Variants in TMEM232 observed in about 807,000 individuals in gnomAD.
The protein encoded by TMEM232 is transmembrane protein 232.
TMEM232 carries 80 observed loss-of-function variants against 78.8 expected under a neutral mutation model. That is an observed-to-expected ratio of 1.01 (90% CI 0.85 to 1.22). The LOEUF (loss-of-function observed/expected upper bound fraction) is 1.22, where lower values mean the gene tolerates loss of function less well. Ranked by LOEUF, TMEM232 falls within the 50% of genes most tolerant of loss-of-function variation. TMEM232 has a pLI of 0.00. For missense variants in TMEM232, 881 were observed against 742.2 expected, an observed-to-expected ratio of 1.19 and a Z score of -2.17; for synonymous variants, 297 against 254.3, an observed-to-expected ratio of 1.17 and a Z score of -1.60.
intron 12 of TMEM232, among the ~76,000 whole-genome samples, chr5:110,517,287 A>C (rs28431299): frequency 0.031 from 4,682 of 152,300 alleles, 248 homozygotes; most frequent in African/African-American, 0.11. Context: ...AGAAGAACTA[A>C]CAAAAGGAGC....
intron 12 of TMEM232, chr5:110,514,061 C>T (rs1274281687): frequency 1.2e-5 from 2 of 165,342 alleles, no homozygotes; most frequent in African/African-American, 2.4e-5. Context: ...CACAAAGGCT[C>T]AATAAATAGA....
intron 12 of TMEM232, chr5:110,429,907 C>T (rs1248679159): frequency 1.3e-5 from 2 of 151,748 alleles, no homozygotes; most frequent in South Asian, 2.1e-4. Flanking sequence ...ATTTGGCTAC[C>T]ATAACCTTTT....
Position 110,605,360 on chromosome 5 carries a change from T to C in TMEM232, c.1027-2A>G. The stretch of plus-strand genomic sequence containing the variant: ...ATCATCTACCTTGCAACTTTCTTCC[T>C]GAAATGAGAAAATAGATATTTGATC... On this transcript the variant is annotated splice_acceptor_variant, in intron 9 of 13. Transcript: ENST00000455884. LOFTEE classifies it high-confidence loss of function. The C allele has an allele frequency of 1.9e-6, 3 of 1,538,690 alleles. No homozygotes were observed. The highest frequency in any genetic ancestry group is 2.6e-6 in the Non-Finnish European group (3 of 1,140,548).
chr5:110,686,421 G>A (rs952219527), intron 1 of TMEM232, among the ~76,000 whole-genome samples: 1 of 151,950 alleles, frequency 6.6e-6, no homozygotes, highest in East Asian at 1.9e-4. Flanking sequence ...AGGCATGTGA[G>A]AGAGCCATTT....
intron 2 of TMEM232, among the ~76,000 whole-genome samples, chr5:110,646,686 G>A (rs1470906538): frequency 6.6e-6 from 1 of 151,764 alleles, no homozygotes; most frequent in East Asian, 1.9e-4. Context: ...CTAGACAAGT[G>A]GGATTGCATC....
At chr5:110,516,036 G>A (rs751809540) in intron 12 of TMEM232, among the ~76,000 whole-genome samples, 10 of 152,120 alleles carry the variant, frequency 6.6e-5, no homozygotes, top group Non-Finnish European at 1.3e-4. Context: ...TCAGGAGGTC[G>A]AGACCATCCT....
intron 12 of TMEM232, among the ~76,000 whole-genome samples, chr5:110,498,804 A>C (rs1765898358): frequency 1.3e-5 from 2 of 152,266 alleles, no homozygotes; most frequent in South Asian, 2.1e-4. Flanking sequence ...TCTATAACTA[A>C]GGGATTTTTC....
chr5:110,444,091 G>A, intron 12 of TMEM232, among the ~76,000 whole-genome samples: 1 of 151,994 alleles, frequency 6.6e-6, no homozygotes, highest in East Asian at 1.9e-4. Flanking sequence ...GCCCTGGCTG[G>A]TATCTCCTTA....
intron 10 of TMEM232, among the ~76,000 whole-genome samples, chr5:110,576,655 C>G (rs1265532596): frequency 6.6e-6 from 1 of 152,032 alleles, no homozygotes; most frequent in Non-Finnish European, 1.5e-5. Flanking sequence ...CTACATTAGC[C>G]AAAACAGCAT....
At chr5:110,573,170 G>C (rs910287666) in intron 10 of TMEM232, among the ~76,000 whole-genome samples, 1 of 151,976 alleles carries the variant, frequency 6.6e-6, no homozygotes, top group African/African-American at 2.4e-5. Context: ...CTTTTTATTA[G>C]TAATGCCTTA....
intron 11 of TMEM232, among the ~76,000 whole-genome samples, chr5:110,568,099 A>G (rs1421409233): frequency 6.6e-6 from 1 of 151,936 alleles, no homozygotes; most frequent in African/African-American, 2.4e-5. Flanking sequence ...TCATGGCTTA[A>G]CATGCTACTT....
intron 1 of TMEM232, among the ~76,000 whole-genome samples, chr5:110,672,468 C>G (rs1791483538): frequency 6.6e-6 from 1 of 152,096 alleles, no homozygotes; most frequent in African/African-American, 2.4e-5. Context: ...TTGTGATATA[C>G]AAGAGAGACA....
intron 12 of TMEM232, among the ~76,000 whole-genome samples, chr5:110,488,672 C>A (rs1188945958): frequency 6.6e-6 from 1 of 151,816 alleles, no homozygotes; most frequent in Non-Finnish European, 1.5e-5. Context: ...AAAAGTAGAG[C>A]AAGATAAACC....
At chr5:110,418,719 G>C (rs996424883), downstream of TMEM232, among the ~76,000 whole-genome samples, 2 of 152,100 alleles carry the variant, frequency 1.3e-5, no homozygotes, top group Non-Finnish European at 2.9e-5. Flanking sequence ...GTAGAAATAC[G>C]CTAATCAGAG....
In TMEM232 at chr5:110,722,162, AAT is replaced by A. The variant is rs1336144852; in HGVS notation, c.-13+4463_-13+4464del. On this transcript the variant is annotated intron_variant, in intron 1 of 13. Coordinates refer to ENST00000455884, the MANE Select transcript of TMEM232 (RefSeq NM_001039763.4). The stretch of plus-strand genomic sequence containing the variant: ...GACATGGCAGAAATAAAGTTCTTAC[AAT>A]GAAATCACCTTTTCCCCTATATCTT... Among the ~76,000 whole-genome samples the A allele has an allele frequency of 3.9e-5, 6 of 152,130 alleles. No individual in the cohort carries two copies. In the South Asian group the frequency reaches 1.0e-3, roughly 26 times the overall value.
rs867135697 is a variant in TMEM232, at chr5:110,460,686, C to A, written c.1704-35770G>T. Reference sequence around the variant, plus strand: ...TGCATTTTTCTTTTTTTTTTTTTTACAAATTAAAGTTTTGTGGCAACTTTA... The same window carrying A: ...TGCATTTTTCTTTTTTTTTTTTTTAAAAATTAAAGTTTTGTGGCAACTTTA... On this transcript the variant is annotated intron_variant, in intron 12 of 13. Coordinates refer to ENST00000455884, the MANE Select transcript of TMEM232 (RefSeq NM_001039763.4). Among the ~76,000 whole-genome samples the A allele has an allele frequency of 1.5e-4, 21 of 143,812 alleles. 1 individual carries two copies. Among genetic ancestry groups the A allele is most frequent in the Middle Eastern group, 7.0e-3 (2 of 286 alleles). 94.3% of individuals were successfully genotyped at this position (143,812 alleles called of 152,430 possible). A position where few individuals can be genotyped will look rare whatever the true frequency, so the allele number is the denominator to read the frequency against.
At chr5:110,422,374 G>A (rs71575330) in intron 13 of TMEM232, among the ~76,000 whole-genome samples, 3 of 151,660 alleles carry the variant, frequency 2.0e-5, no homozygotes, top group African/African-American at 7.3e-5. Flanking sequence ...AAAAAAATTA[G>A]CCGGGCGTGG....
chr5:110,418,913 T>C (rs905395070), downstream of TMEM232, among the ~76,000 whole-genome samples: 8 of 152,144 alleles, frequency 5.3e-5, no homozygotes. Flanking sequence ...CCTTAGAGCT[T>C]AGTTGTTATA....
chr5:110,628,029 TA>T, intron 5 of TMEM232, 149 bp from the exon 6 acceptor site: 1 of 654,850 alleles, frequency 1.5e-6, no homozygotes, highest in Non-Finnish European at 2.6e-6. Flanking sequence ...TAAATAACAT[TA>T]AAACATTTAT....
Sources: allele counts gnomAD v4.1 joint callset (sites outside exome capture counted in the v4.1 genomes callset), GRCh38; gene constraint gnomAD v4.1.1; transcripts MANE v1.5; gene names NCBI Gene and HGNC (gene_info 2026-07-23, HGNC 2026-07-21).